Variants in PTPRG observed in about 807,000 individuals in gnomAD.
PTPRG encodes protein tyrosine phosphatase receptor type G, also known as receptor-type tyrosine-protein phosphatase gamma.
PTPRG carries 102 observed loss-of-function variants against 165.3 expected under a neutral mutation model. The ratio of observed to expected loss-of-function variants is 0.62; its 90% CI spans 0.53 to 0.73. The LOEUF (loss-of-function observed/expected upper bound fraction) is 0.73, where lower values mean the gene tolerates loss of function less well. Among genes scored for constraint, PTPRG ranks in the 30% least tolerant of loss-of-function variants. The probability of loss-of-function intolerance (pLI) is 0.00; values close to 1 mark genes in which losing one functional copy is unlikely to be tolerated. For synonymous variants in PTPRG, 675 were observed against 669.5 expected (o/e 1.01, Z -0.13); for missense variants, 1,866 against 1,861.4 (o/e 1.00, Z -0.05).
chr3:61,813,857 A>G (rs2035672317), intron 2 of PTPRG, among the ~76,000 whole-genome samples: 1 of 148,788 alleles, frequency 6.7e-6, no homozygotes, highest in African/African-American at 2.5e-5. Context: ...CACATATTAC[A>G]TTAATTCTTA....
intron 2 of PTPRG, among the ~76,000 whole-genome samples, chr3:61,933,412 A>G (rs1271472077): frequency 6.6e-6 from 1 of 152,182 alleles, no homozygotes; most frequent in Non-Finnish European, 1.5e-5. Context: ...AAACCACTGT[A>G]AGACTCAGTT....
At chr3:62,110,979 G>A (rs553597742) in intron 5 of PTPRG, among the ~76,000 whole-genome samples, 13 of 152,320 alleles carry the variant, frequency 8.5e-5, no homozygotes, top group Admixed American at 3.3e-4. Context: ...AGGAGAGCTT[G>A]TGGAATGTCA....
intron 2 of PTPRG, among the ~76,000 whole-genome samples, chr3:61,892,521 G>T (rs1008478332): frequency 3.3e-5 from 5 of 152,156 alleles, no homozygotes; most frequent in Non-Finnish European, 7.4e-5. Context: ...TTTCAATGCT[G>T]AAATAGGTAC....
chr3:61,984,931 C>T (rs1381808563), intron 2 of PTPRG, among the ~76,000 whole-genome samples: 2 of 152,178 alleles, frequency 1.3e-5, no homozygotes, highest in African/African-American at 4.8e-5. Flanking sequence ...CTGATGTATT[C>T]CCCATGATTA....
chr3:61,755,565 G>A (rs888239090), intron 2 of PTPRG, among the ~76,000 whole-genome samples: 6 of 152,180 alleles, frequency 3.9e-5, no homozygotes, highest in African/African-American at 1.4e-4. Flanking sequence ...ATTGTCTACT[G>A]TGTGCCAGGT....
At chr3:62,061,684 A>G (rs1404409030) in intron 4 of PTPRG, among the ~76,000 whole-genome samples, 3 of 147,696 alleles carry the variant, frequency 2.0e-5, no homozygotes, top group African/African-American at 7.5e-5. Flanking sequence ...GCCGGAGTGT[A>G]GTGGTGCCAT....
intron 2 of PTPRG, among the ~76,000 whole-genome samples, chr3:61,820,603 G>GT (rs11329820): frequency 0.038 from 2,518 of 65,732 alleles, 221 homozygotes; most frequent in African/African-American, 0.092. Flanking sequence ...CTGTGTCTCT[G>GT]TTTTTTTTTT....
At chr3:61,928,591 GA>G (rs1360757045) in intron 2 of PTPRG, among the ~76,000 whole-genome samples, 4 of 152,100 alleles carry the variant, frequency 2.6e-5, no homozygotes, top group Non-Finnish European at 5.9e-5. Context: ...TAAATTATAG[GA>G]TGCTATTTGG....
chr3:62,171,120 G>A (rs1705198824), intron 8 of PTPRG, among the ~76,000 whole-genome samples: 1 of 152,054 alleles, frequency 6.6e-6, no homozygotes, highest in African/African-American at 2.4e-5. Flanking sequence ...CTTCTGTATT[G>A]CTAAAGCCCA....
rs1295042691 is a variant in PTPRG, at chr3:61,973,327, TC to T, written c.191-16296del. ...TAAGCATTTTCTCTGGAATGGGAGT[TC>T]CTGAACTAAAGTATTGCAGCTAAGT... is the stretch of plus-strand genomic sequence containing the variant. On this transcript the variant is annotated intron_variant, in intron 2 of 29. Transcript: ENST00000474889. Among the ~76,000 whole-genome samples, 4 of 152,328 alleles carry T rather than the reference TC, an allele frequency of 2.6e-5. No homozygotes were observed. The East Asian group carries it at 7.7e-4, about 29-fold the overall frequency.
chr3:61,864,110 C>G (rs924755150), intron 2 of PTPRG, among the ~76,000 whole-genome samples: 1 of 152,082 alleles, frequency 6.6e-6, no homozygotes, highest in Non-Finnish European at 1.5e-5. Flanking sequence ...AGTAAAAATA[C>G]CTTACCTACC....
rs1576180876 is a variant in PTPRG at position 62,253,079 on chromosome 3, C to T, written c.2468-2045C>T. On this transcript the variant is annotated intron_variant, in intron 15 of 29. Transcript: ENST00000474889. The stretch of plus-strand genomic sequence containing the variant: ...GTGTGTGACATTAGCTTGGATATTA[C>T]AGTTGAGCACTTTGCAGAAAAAAAC... Among the ~76,000 whole-genome samples the T allele has an allele frequency of 2.6e-5, 4 of 152,282 alleles. 1 individual carries two copies. The South Asian group carries it at 8.3e-4, about 32-fold the overall frequency.
rs1275642958 is a variant in PTPRG, at chr3:62,224,506, C to A, written c.2288+5523C>A. The stretch of plus-strand genomic sequence containing the variant: ...CACTGGCCACAGATGGTCACACAGC[C>A]CCAAGGACACAGATGAGGTAGGGGG... On this transcript the variant is annotated intron_variant, in intron 13 of 29. Transcript: ENST00000474889. This position sits in a 1 kb window ranked among gnomAD's most constrained non-coding sequence, Gnocchi z 4.9. Among the ~76,000 whole-genome samples the A allele has an allele frequency of 6.6e-6, 1 of 152,200 alleles. No individual in the cohort carries two copies. Among genetic ancestry groups the A allele is most frequent in the African/African-American group, 2.4e-5 (1 of 41,452 alleles).
chr3:61,891,092 G>T (rs2107499270), intron 2 of PTPRG, among the ~76,000 whole-genome samples: 1 of 152,098 alleles, frequency 6.6e-6, no homozygotes, highest in East Asian at 1.9e-4. Context: ...GGCTGAGGTG[G>T]GTGGATCACG....
intron 1 of PTPRG, among the ~76,000 whole-genome samples, chr3:61,589,491 G>T (rs1183843165): frequency 6.6e-6 from 1 of 152,176 alleles, no homozygotes; most frequent in Non-Finnish European, 1.5e-5. Context: ...AAAACTTTGA[G>T]GCTCACAGAA....
intron 2 of PTPRG, among the ~76,000 whole-genome samples, chr3:61,910,868 G>T (rs1045394175): frequency 6.6e-6 from 1 of 152,154 alleles, no homozygotes; most frequent in African/African-American, 2.4e-5. Context: ...TTAGGTGGAA[G>T]GCCTGAATCT....
chr3:61,775,500 G>T (rs763616366), intron 2 of PTPRG, among the ~76,000 whole-genome samples: 3 of 152,082 alleles, frequency 2.0e-5, no homozygotes, highest in Non-Finnish European at 4.4e-5. Flanking sequence ...ATAATGTTAC[G>T]GGAGAAATGC....
chr3:62,267,325 C>A, intron 17 of PTPRG, 85 bp from the exon 18 acceptor site: 1 of 1,020,516 alleles, frequency 9.8e-7, no homozygotes, highest in Non-Finnish European at 1.5e-6. Context: ...GTCATGTTAC[C>A]TGATTGCCTT....
At chr3:62,154,022 G>C (rs754302294) in intron 6 of PTPRG, among the ~76,000 whole-genome samples, 4 of 152,136 alleles carry the variant, frequency 2.6e-5, no homozygotes, top group Non-Finnish European at 5.9e-5. Flanking sequence ...TTTGACCTTA[G>C]GTCTTTTACT....
Sources: allele counts gnomAD v4.1 joint callset (sites outside exome capture counted in the v4.1 genomes callset), GRCh38; gene constraint gnomAD v4.1.1; non-coding constraint Gnocchi (gnomAD v3.1); transcripts MANE v1.5; gene names NCBI Gene and HGNC (gene_info 2026-07-23, HGNC 2026-07-21).